The following DKK4 variants were observed in gnomAD, a reference collection of about 807,000 sequenced individuals.
DKK4 encodes the protein dickkopf Wnt signaling pathway inhibitor 4.
Under a neutral mutation model 14.5 loss-of-function variants are expected in DKK4, and 15 were observed. The ratio of observed to expected loss-of-function variants is 1.03; its 90% CI spans 0.69 to 1.59. The LOEUF (loss-of-function observed/expected upper bound fraction) is 1.59, where lower values mean the gene tolerates loss of function less well. Among genes scored for constraint, DKK4 ranks in the 40% most tolerant of loss-of-function variants. The pLI is 0.00. For missense variants in DKK4, 272 were observed against 280.3 expected, an observed-to-expected ratio of 0.97 and a Z score of 0.21; for synonymous variants, 89 against 105.2, an observed-to-expected ratio of 0.85 and a Z score of 0.94.
At chr8:42,387,982 C>A in the DKK4 span, among the ~76,000 whole-genome samples, 1 of 152,152 alleles carries the variant, frequency 6.6e-6, no homozygotes, top group African/African-American at 2.4e-5. Flanking sequence ...CTTGACCTCC[C>A]ATCCCAGGCT....
the DKK4 span, among the ~76,000 whole-genome samples, chr8:42,390,636 T>C: frequency 0.077 from 11,778 of 152,130 alleles, 1,484 homozygotes; most frequent in African/African-American, 0.26. Flanking sequence ...GTGCTGGGAT[T>C]ACAGGCTGCT....
the DKK4 span, among the ~76,000 whole-genome samples, chr8:42,385,677 A>C: frequency 6.6e-6 from 1 of 152,152 alleles, no homozygotes; most frequent in Admixed American, 6.5e-5. Flanking sequence ...CACAAAGTCC[A>C]GGCTCCTGAT....
At chr8:42,390,525 G>A in the DKK4 span, among the ~76,000 whole-genome samples, 5 of 151,142 alleles carry the variant, frequency 3.3e-5, no homozygotes, top group African/African-American at 9.7e-5. Flanking sequence ...CACCACGCCC[G>A]GCTAATTTTT....
the DKK4 span, among the ~76,000 whole-genome samples, chr8:42,390,228 A>C: frequency 2.6e-5 from 4 of 151,566 alleles, no homozygotes. Context: ...TGCCACACTA[A>C]TCTACTCTCC....
upstream of DKK4, among the ~76,000 whole-genome samples, chr8:42,380,921 A>AAAAG (rs1447625744): frequency 2.0e-5 from 3 of 152,006 alleles, no homozygotes; most frequent in Admixed American, 2.0e-4. Flanking sequence ...GAAAGAAAGA[A>AAAAG]AAAGAAAGAA....
chr8:42,387,973 T>C, the DKK4 span, among the ~76,000 whole-genome samples: 4 of 152,300 alleles, frequency 2.6e-5, no homozygotes, highest in Non-Finnish European at 4.4e-5. Context: ...CATTGTAGCC[T>C]TGACCTCCCA....
intron 3 of DKK4, among the ~76,000 whole-genome samples, 165 bp from the exon 4 acceptor site, chr8:42,374,524 G>T (rs1450404956): frequency 6.6e-6 from 1 of 152,144 alleles, no homozygotes; most frequent in African/African-American, 2.4e-5. Context: ...AAGCAGTAAT[G>T]CCATGGCGAC....
the DKK4 span, among the ~76,000 whole-genome samples, chr8:42,383,617 A>C: frequency 2.0e-4 from 30 of 152,226 alleles, no homozygotes; most frequent in African/African-American, 7.0e-4. Flanking sequence ...TCCTTCCTCA[A>C]AGATAGGCTC....
the DKK4 span, among the ~76,000 whole-genome samples, chr8:42,390,047 C>G: frequency 1.3e-5 from 2 of 152,132 alleles, no homozygotes. Context: ...CACCCGCCAC[C>G]ATGCCCAGCT....
the DKK4 span, among the ~76,000 whole-genome samples, chr8:42,389,463 C>A: frequency 6.6e-6 from 1 of 152,146 alleles, no homozygotes; most frequent in African/African-American, 2.4e-5. Context: ...CCATATTTGG[C>A]CTCATTCAGC....
chr8:42,376,715 A>G (rs1824571460), intron 1 of DKK4, among the ~76,000 whole-genome samples: 1 of 152,178 alleles, frequency 6.6e-6, no homozygotes, highest in Non-Finnish European at 1.5e-5. Context: ...TTTATAGACA[A>G]ACGTATGGCC....
chr8:42,379,368 TATATATATATAGAGAGAGAG>T (rs1387350915), upstream of DKK4, among the ~76,000 whole-genome samples: 51 of 49,490 alleles, frequency 1.0e-3, no homozygotes, highest in African/African-American at 4.2e-3. Context: ...TATATATATA[TATATATATATAGAGAGAGAG>T]AGAGAGAGAG....
At chr8:42,385,484 G>T in the DKK4 span, among the ~76,000 whole-genome samples, 3 of 152,170 alleles carry the variant, frequency 2.0e-5, no homozygotes, top group Admixed American at 2.0e-4. Context: ...CTAATTCATA[G>T]CTGTGTTCAT....
At chr8:42,375,556 A>T in intron 2 of DKK4, 124 bp downstream of exon 2, 1 of 1,227,414 alleles carries the variant, frequency 8.1e-7, no homozygotes. Flanking sequence ...GCAGCTGCAT[A>T]CATTTACTTC....
chr8:42,378,706 G>T (rs1824606217), upstream of DKK4, among the ~76,000 whole-genome samples: 1 of 152,026 alleles, frequency 6.6e-6, no homozygotes, highest in Admixed American at 6.6e-5. Flanking sequence ...AATATACACA[G>T]GCGAAAGAAC....
At chr8:42,375,354 A>C (rs1344594726) in intron 2 of DKK4, among the ~76,000 whole-genome samples, 6 of 152,134 alleles carry the variant, frequency 3.9e-5, no homozygotes, top group African/African-American at 1.4e-4. Context: ...TAGCCTGACC[A>C]ACATGGTGAA....
At chr8:42,389,191 C>A in the DKK4 span, among the ~76,000 whole-genome samples, 55 of 152,318 alleles carry the variant, frequency 3.6e-4, no homozygotes, top group East Asian at 0.01. Flanking sequence ...CAATCCACTG[C>A]CTCAGTCTTC....
chr8:42,376,817 C>G, intron 1 of DKK4, 118 bp downstream of exon 1: 1 of 824,736 alleles, frequency 1.2e-6, no homozygotes, highest in Non-Finnish European at 1.9e-6. Flanking sequence ...GAAACCAATT[C>G]AATTTACCTG....
intron 1 of DKK4, 41 bp from the exon 2 acceptor site, chr8:42,375,871 A>C: frequency 6.2e-7 from 1 of 1,604,816 alleles, no homozygotes; most frequent in Non-Finnish European, 8.5e-7. Flanking sequence ...GGAAACCCCC[A>C]ACACGATGGA....
Sources: allele counts gnomAD v4.1 joint callset (sites outside exome capture counted in the v4.1 genomes callset), GRCh38; gene constraint gnomAD v4.1.1; transcripts MANE v1.5; gene names NCBI Gene and HGNC (gene_info 2026-07-23, HGNC 2026-07-21).